Variants in CSMD1 observed in about 807,000 individuals in gnomAD.
CSMD1 encodes CUB and sushi domain-containing protein 1.
Under a neutral mutation model 417.5 loss-of-function variants are expected in CSMD1, and 213 were observed. That is an observed-to-expected ratio of 0.51 (90% confidence interval 0.46 to 0.57). The LOEUF is 0.57. Among genes scored for constraint, CSMD1 ranks in the 20% least tolerant of loss-of-function variants. The pLI is 0.00. For synonymous variants in CSMD1, 2,862 were observed against 1,736.8 expected (o/e 1.65, Z -16.11); for missense variants, 6,923 against 4,529.7 (o/e 1.53, Z -15.17).
intron 7 of CSMD1, among the ~76,000 whole-genome samples, chr8:3,699,309 G>C (rs745863676): frequency 6.6e-6 from 1 of 152,226 alleles, no homozygotes; most frequent in Non-Finnish European, 1.5e-5. Context: ...CTTCCATGCA[G>C]TGGATATCAT....
chr8:4,950,948 T>G (rs1021414004), intron 1 of CSMD1, among the ~76,000 whole-genome samples: 6 of 150,206 alleles, frequency 4.0e-5, no homozygotes, highest in Non-Finnish European at 8.8e-5. Flanking sequence ...ATTACAAAAC[T>G]TGGAGACTTG....
chr8:3,407,912 G>C lies in CSMD1; in HGVS notation c.2058C>G (p.Asn686Lys), dbSNP rs1056596091. Residue 686 changes from asparagine (N) to lysine (K), a missense_variant, in exon 14 of 70, where the codon AAC becomes AAG. Physicochemically the swap from Asn to Lys is moderately conservative, Grantham distance 94 (BLOSUM62 0). Transcript: ENST00000635120. ...SDHSTTGRGF[N>K]ITYTTFGQNE... ...GGGCGTACTTACTGGTGTAAGTGAT[G>C]TTGAACCCTCTGCCAGTAGTGGAAT... 1.2e-6 allele frequency: 2 copies of C among 1,610,168 alleles called. No homozygotes were observed. Among genetic ancestry groups the C allele is most frequent in the Non-Finnish European group, 1.7e-6 (2 of 1,177,362 alleles).
chr8:4,453,412 G>A (rs138361652), intron 2 of CSMD1, among the ~76,000 whole-genome samples: 2,546 of 152,292 alleles, frequency 0.017, 43 homozygotes, highest in Middle Eastern at 0.065. Context: ...GAGATTCCCA[G>A]AAGACACTGG....
At chr8:3,293,181 T>C (rs535143198) in intron 25 of CSMD1, among the ~76,000 whole-genome samples, 1 of 152,194 alleles carries the variant, frequency 6.6e-6, no homozygotes, top group African/African-American at 2.4e-5. Context: ...TGTAGAGTTT[T>C]TGCCGAGAGA....
intron 2 of CSMD1, among the ~76,000 whole-genome samples, chr8:4,545,518 C>T (rs1385583102): frequency 1.4e-5 from 2 of 147,988 alleles, no homozygotes; most frequent in Non-Finnish European, 3.0e-5. Flanking sequence ...ATCTCACGAC[C>T]CTACGAAAGA....
chr8:4,488,625 C>G (rs1801536991), intron 2 of CSMD1, among the ~76,000 whole-genome samples: 2 of 151,976 alleles, frequency 1.3e-5, no homozygotes, highest in South Asian at 4.1e-4. Context: ...CAATCTATAG[C>G]AAAATACTCC....
intron 2 of CSMD1, among the ~76,000 whole-genome samples, chr8:4,517,909 T>C (rs1803212417): frequency 6.6e-6 from 1 of 152,210 alleles, no homozygotes; most frequent in Non-Finnish European, 1.5e-5. Context: ...CTAGTAACAG[T>C]CTAAGAGTAC....
chr8:4,373,292 A>G (rs1802511243), intron 3 of CSMD1, among the ~76,000 whole-genome samples: 1 of 152,096 alleles, frequency 6.6e-6, no homozygotes, highest in African/African-American at 2.4e-5. Flanking sequence ...CCAGGGACAG[A>G]AAGGGAACAT....
rs747430941 is a variant in CSMD1, at chr8:4,762,308, T to C, written c.86-124750A>G. On this transcript the variant is annotated intron_variant, in intron 1 of 69. Transcript: ENST00000635120. Reference sequence around the variant, plus strand: ...ATTGGGGAGAGAGAAAGAATAGCTGTTTACTGGTATAACATTTAATAAGTT... The same window carrying C: ...ATTGGGGAGAGAGAAAGAATAGCTGCTTACTGGTATAACATTTAATAAGTT... Among the ~76,000 whole-genome samples the C allele has an allele frequency of 1.9e-4, 29 of 152,224 alleles. No homozygotes were observed. The Middle Eastern group carries it at 0.01, about 54-fold the overall frequency.
At chr8:4,104,320 CAT>C (rs1170310286) in intron 3 of CSMD1, among the ~76,000 whole-genome samples, 3 of 152,220 alleles carry the variant, frequency 2.0e-5, no homozygotes, top group Non-Finnish European at 2.9e-5. Flanking sequence ...GTGTTCTCCA[CAT>C]GAGTGCTTAG....
intron 2 of CSMD1, among the ~76,000 whole-genome samples, chr8:4,521,282 G>A (rs1803429753): frequency 6.6e-6 from 1 of 152,126 alleles, no homozygotes; most frequent in Admixed American, 6.6e-5. Flanking sequence ...TGTGAAGGAA[G>A]AATGAATTTT....
intron 3 of CSMD1, among the ~76,000 whole-genome samples, chr8:4,214,853 A>C (rs1331617445): frequency 6.6e-6 from 1 of 152,066 alleles, no homozygotes; most frequent in South Asian, 2.1e-4. Flanking sequence ...TATGACCACC[A>C]GGTTTAGATA....
Position 3,219,264 on chromosome 8 carries a change from C to A in CSMD1, c.4663G>T (p.Glu1555Ter). The stretch of plus-strand genomic sequence containing the variant: ...CAGGCAATCGCAATACCTTTAAATT[C>A]AATGGCGAACCCTGAAAGGCCCACG... ...ASVGLSGFAI[E>*]FKEKPREACF... The change falls in exon 29 of 70, where the codon GAA (glutamate) becomes TAA (stop). Residue 1555 changes from glutamate (E) to a stop codon, truncating the protein, a stop_gained. Coordinates refer to ENST00000635120, the MANE Select transcript of CSMD1 (RefSeq NM_033225.6). LOFTEE classifies it high-confidence loss of function. The A allele has an allele frequency of 6.3e-7, 1 of 1,590,596 alleles. No homozygotes were observed. The highest frequency in any genetic ancestry group is 1.1e-5 in the South Asian group (1 of 87,618).
At chr8:3,632,889 A>T (rs1334467062) in intron 7 of CSMD1, among the ~76,000 whole-genome samples, 1 of 152,230 alleles carries the variant, frequency 6.6e-6, no homozygotes, top group Non-Finnish European at 1.5e-5. Context: ...GTTCTCTGAG[A>T]ATGGCAGACA....
chr8:3,214,647 C>T lies in CSMD1; in HGVS notation c.4717G>A (p.Gly1573Arg). ...TTGAAGTCTGTTCCAACTCTTGTCC[C>T]ATTCATTATATTTCCTGGGTCAAAA... ...ACFDPGNIMN[G>R]TRVGTDFKLG... Residue 1573 changes from glycine (G) to arginine (R), a missense_variant, in exon 30 of 70, where the codon GGG becomes AGG. Transcript: ENST00000635120. 1 of 1,552,390 alleles carries T rather than the reference C, an allele frequency of 6.4e-7. No homozygotes were observed. Among genetic ancestry groups the T allele is most frequent in the Non-Finnish European group, 8.7e-7 (1 of 1,147,388 alleles).
intron 1 of CSMD1, among the ~76,000 whole-genome samples, chr8:4,899,931 T>C (rs145016105): frequency 6.0e-4 from 91 of 152,294 alleles, no homozygotes; most frequent in African/African-American, 2.1e-3. Context: ...CAGAGTCTTG[T>C]TCACAGTAGG....
At chr8:4,031,806 A>C in intron 4 of CSMD1, 99 bp downstream of exon 4, 1 of 873,710 alleles carries the variant, frequency 1.1e-6, no homozygotes, top group Non-Finnish European at 1.7e-6. Context: ...TCAGCTCAAC[A>C]TGTATTATTT....
At chr8:3,822,387 A>C (rs1801787551) in intron 5 of CSMD1, among the ~76,000 whole-genome samples, 1 of 152,214 alleles carries the variant, frequency 6.6e-6, no homozygotes, top group South Asian at 2.1e-4. Flanking sequence ...CAAGCAGTAA[A>C]AAAGAGTCTG....
At chr8:4,145,201 T>C (rs1298042665) in intron 3 of CSMD1, among the ~76,000 whole-genome samples, 1 of 151,068 alleles carries the variant, frequency 6.6e-6, no homozygotes, top group Non-Finnish European at 1.5e-5. Flanking sequence ...TACGTGTTTA[T>C]ATTGAGTACA....
Sources: allele counts gnomAD v4.1 joint callset (sites outside exome capture counted in the v4.1 genomes callset), GRCh38; gene constraint gnomAD v4.1.1; transcripts MANE v1.5; gene names NCBI Gene and HGNC (gene_info 2026-07-23, HGNC 2026-07-21).